Variants in RASSF3 observed in about 807,000 individuals in gnomAD.
RASSF3 encodes the protein ras association domain-containing protein 3.
A neutral mutation model predicts 19.9 loss-of-function variants in RASSF3; 19 were observed. That is an observed-to-expected ratio of 0.96 (90% CI 0.67 to 1.40). RASSF3 has a LOEUF of 1.40. RASSF3 is among the 40% of genes most tolerant of loss of function. The pLI, the probability that RASSF3 is intolerant of heterozygous loss-of-function variation, is 0.00. For missense variants in RASSF3, 306 were observed against 289.8 expected (o/e 1.06, Z -0.41); for synonymous variants, 110 against 104.2 (o/e 1.06, Z -0.34).
At chr12:64,670,529 G>A (rs1012796877) in intron 1 of RASSF3, among the ~76,000 whole-genome samples, 5 of 148,862 alleles carry the variant, frequency 3.4e-5, no homozygotes, top group Non-Finnish European at 7.4e-5. Flanking sequence ...TACTGGATAC[G>A]GTTTCTCTCT....
chr12:64,525,186 G>A lies in RASSF3; in HGVS notation c.170-16395G>A, dbSNP rs185530423. 7.6e-4 allele frequency among the ~76,000 whole-genome samples: 116 copies of A among 152,328 alleles called. 1 individual carries two copies. Among genetic ancestry groups the A allele is most frequent in the African/African-American group, 2.7e-3 (111 of 41,566 alleles). Reference sequence around the variant, plus strand: ...AGCTACTCGGGAGGCTGAGGCAGGAGAATCACTTGAACCTGGAAAGCCGCG... The same window carrying A: ...AGCTACTCGGGAGGCTGAGGCAGGAAAATCACTTGAACCTGGAAAGCCGCG... On this transcript the variant is annotated intron_variant, in intron 1 of 5. Coordinates refer to the RASSF3 transcript ENST00000637125.
chr12:64,608,929 GAGA>G (rs1282408259), upstream of RASSF3, among the ~76,000 whole-genome samples: 2 of 152,152 alleles, frequency 1.3e-5, no homozygotes, highest in Non-Finnish European at 1.5e-5. Flanking sequence ...CTGTGTGGCC[GAGA>G]AGAAGACTTT....
intron 2 of RASSF3, among the ~76,000 whole-genome samples, chr12:64,576,845 T>C (rs1375450030): frequency 1.6e-5 from 2 of 124,650 alleles, no homozygotes; most frequent in East Asian, 4.7e-4. Context: ...AGTGAGACCC[T>C]GTCTCAAAAA....
chr12:64,638,123 C>T (rs1565857607), intron 1 of RASSF3, among the ~76,000 whole-genome samples: 1 of 152,104 alleles, frequency 6.6e-6, no homozygotes, highest in Non-Finnish European at 1.5e-5. Flanking sequence ...AGCCTACGCC[C>T]CCGGCCTAGT....
intron 1 of RASSF3, among the ~76,000 whole-genome samples, chr12:64,525,684 G>A (rs1187433732): frequency 1.3e-5 from 2 of 152,196 alleles, no homozygotes; most frequent in East Asian, 3.9e-4. Context: ...GAGCGTGGGC[G>A]AAATTCCTGC....
At chr12:64,654,651 G>GT (rs1565862165) in intron 1 of RASSF3, 1 of 54,188 alleles carries the variant, frequency 1.8e-5, no homozygotes, top group Non-Finnish European at 3.7e-5. Flanking sequence ...TGCGGGGGGG[G>GT]GGGGGTGGGG....
chr12:64,518,611 T>C (rs1031437182), intron 1 of RASSF3, among the ~76,000 whole-genome samples: 1 of 152,208 alleles, frequency 6.6e-6, no homozygotes, highest in African/African-American at 2.4e-5. Context: ...GGGACAAACA[T>C]GCAAGCCATA....
upstream of RASSF3, among the ~76,000 whole-genome samples, chr12:64,528,834 G>T (rs1350214557): frequency 6.6e-6 from 1 of 152,218 alleles, no homozygotes; most frequent in Non-Finnish European, 1.5e-5. Flanking sequence ...TGATGCTGGA[G>T]ACAGGAGTCT....
intron 2 of RASSF3, among the ~76,000 whole-genome samples, chr12:64,564,812 G>T (rs1412323272): frequency 4.1e-5 from 6 of 145,908 alleles, no homozygotes; most frequent in African/African-American, 1.0e-4. Flanking sequence ...AGGGAGTCTC[G>T]CTCTGTTGCC....
chr12:64,650,347 T>C (rs957889302), intron 1 of RASSF3, among the ~76,000 whole-genome samples: 19 of 151,806 alleles, frequency 1.3e-4, no homozygotes, highest in Non-Finnish European at 2.8e-4. Context: ...ACCTTTGTGC[T>C]GTGCTCAGTG....
intron 1 of RASSF3, among the ~76,000 whole-genome samples, chr12:64,513,273 G>A (rs186561116): frequency 1.1e-4 from 17 of 151,858 alleles, no homozygotes; most frequent in East Asian, 7.8e-4. Context: ...GGCAAAACCC[G>A]TCTCTACTAA....
rs10708538 is a variant in RASSF3 at position 64,586,491 on chromosome 12, GAAAAAAA to G, written c.294+44804_294+44810del. On this transcript the variant is annotated intron_variant, in intron 2 of 5. Transcript: ENST00000637125. ...AGCAACAGAGCAAGACTCCTTCTCA[GAAAAAAA>G]AAAAAAAAAAAAAAAAAGACTAAAA... 6.5e-3 allele frequency among the ~76,000 whole-genome samples: 455 copies of G among 70,148 alleles called. 2 individuals are homozygous for G. Among genetic ancestry groups the G allele is most frequent in the African/African-American group, 0.024 (405 of 17,102 alleles). The allele number at this position is 70,148 out of a possible 152,430, so 46.0% of individuals were successfully genotyped here. A position where few individuals can be genotyped will look rare whatever the true frequency, so the allele number is the denominator to read the frequency against.
intron 1 of RASSF3, among the ~76,000 whole-genome samples, chr12:64,539,998 T>G (rs1187758445): frequency 6.6e-6 from 1 of 152,192 alleles, no homozygotes; most frequent in Non-Finnish European, 1.5e-5. Flanking sequence ...AGAATGGTCT[T>G]TTTATCTCGA....
At chr12:64,674,934 T>G (rs1350221127) in intron 1 of RASSF3, among the ~76,000 whole-genome samples, 3 of 152,084 alleles carry the variant, frequency 2.0e-5, no homozygotes, top group Non-Finnish European at 1.5e-5. Flanking sequence ...TTGTTTTTCT[T>G]TCTTACAAGT....
chr12:64,590,598 G>A lies in RASSF3; in HGVS notation c.294+48893G>A, dbSNP rs566012895. On this transcript the variant is annotated intron_variant, in intron 2 of 5. Transcript: ENST00000637125. ...GGTTTAAAGGTGATCTCTCTAATATGTCTACTATTTAACCAGAGTGCTGGA... is the reference window on the plus strand; with the variant it reads ...GGTTTAAAGGTGATCTCTCTAATATATCTACTATTTAACCAGAGTGCTGGA... 2.0e-5 allele frequency among the ~76,000 whole-genome samples: 3 copies of A among 152,294 alleles called. No homozygotes were observed. In the South Asian group the frequency reaches 6.2e-4, roughly 32 times the overall value.
intron 1 of RASSF3, among the ~76,000 whole-genome samples, chr12:64,683,032 G>C (rs1310447872): frequency 6.6e-6 from 1 of 152,166 alleles, no homozygotes; most frequent in Non-Finnish European, 1.5e-5. Context: ...GGTTGTCCTT[G>C]GACAAACTGC....
chr12:64,630,254 G>C (rs1228910783), intron 1 of RASSF3, among the ~76,000 whole-genome samples: 1 of 152,010 alleles, frequency 6.6e-6, no homozygotes, highest in African/African-American at 2.4e-5. Context: ...GCAAGGCCAT[G>C]GTGGGTCATG....
At chr12:64,664,537 C>T (rs1872484501) in intron 1 of RASSF3, among the ~76,000 whole-genome samples, 1 of 152,178 alleles carries the variant, frequency 6.6e-6, no homozygotes, top group South Asian at 2.1e-4. Context: ...AACCAGTTCT[C>T]CTTAAGTACT....
intron 1 of RASSF3, among the ~76,000 whole-genome samples, chr12:64,520,017 G>T (rs1868434537): frequency 6.6e-6 from 1 of 152,040 alleles, no homozygotes; most frequent in Admixed American, 6.6e-5. Context: ...GATAATAATA[G>T]TACTACTGTT....
Sources: allele counts gnomAD v4.1 joint callset (sites outside exome capture counted in the v4.1 genomes callset), GRCh38; gene constraint gnomAD v4.1.1; transcripts MANE v1.5; gene names NCBI Gene and HGNC (gene_info 2026-07-23, HGNC 2026-07-21).